The following FANCC variants were observed in gnomAD, a reference collection of about 807,000 sequenced individuals.
The protein encoded by FANCC is FA complementation group C.
A neutral mutation model predicts 71.3 loss-of-function variants in FANCC; 55 were observed. The observed-to-expected ratio is 0.77, with a 90% CI of 0.62 to 0.97. The LOEUF (loss-of-function observed/expected upper bound fraction) is 0.97. Ranked by LOEUF, FANCC falls within the 50% of genes least tolerant of loss-of-function variation. FANCC has a pLI of 0.00. For missense variants in FANCC, 678 were observed against 670.9 expected (o/e 1.01, Z -0.12); for synonymous variants, 275 against 244.9 (o/e 1.12, Z -1.15).
At chr9:95,112,639 A>G (rs2072040232) in intron 12 of FANCC, among the ~76,000 whole-genome samples, 3 of 152,306 alleles carry the variant, frequency 2.0e-5, no homozygotes, top group Middle Eastern at 3.4e-3. Flanking sequence ...TGCAGGCACC[A>G]TGTCAGGGTA....
At chr9:95,164,967 T>C (rs1392933396) in intron 6 of FANCC, among the ~76,000 whole-genome samples, 2 of 152,134 alleles carry the variant, frequency 1.3e-5, no homozygotes, top group African/African-American at 4.8e-5. Flanking sequence ...TCTTTACTAG[T>C]TGTAGGTCTG....
chr9:95,177,509 G>A (rs1051538519), intron 4 of FANCC, among the ~76,000 whole-genome samples: 1 of 152,130 alleles, frequency 6.6e-6, no homozygotes, highest in Non-Finnish European at 1.5e-5. Context: ...ACTATTCTTA[G>A]CTTACCGCAA....
chr9:95,165,577 C>A (rs1252664460), intron 6 of FANCC, among the ~76,000 whole-genome samples: 2 of 152,004 alleles, frequency 1.3e-5, no homozygotes, highest in African/African-American at 4.8e-5. Flanking sequence ...TTAATTTCCA[C>A]ATATTTGTGA....
chr9:95,252,490 T>C (rs1019392948), intron 1 of FANCC, among the ~76,000 whole-genome samples: 5 of 151,956 alleles, frequency 3.3e-5, no homozygotes, highest in Non-Finnish European at 7.4e-5. Context: ...CTCACGCCTG[T>C]AATCCCAGCA....
rs768209355 is a variant in FANCC, at chr9:95,135,375, T to C, written c.814A>G (p.Ile272Val). 4 of 1,614,136 alleles carry C rather than the reference T, an allele frequency of 2.5e-6. No individual in the cohort carries two copies. Among genetic ancestry groups the C allele is most frequent in the Non-Finnish European group, 3.4e-6 (4 of 1,180,016 alleles). ...GATGAATCTTTTATAAAGCATTCGA[T>C]CCTTCTCAGACAATTTCTCTCACTG... ...ISSERNCLRR[I>V]ECFIKDSSLP... Residue 272 changes from isoleucine (I) to valine (V), a missense_variant, in exon 8 of 15, where the codon ATC becomes GTC. Ile to Val is a conservative substitution (Grantham distance 29, BLOSUM62 3). Transcript: ENST00000289081.
intron 4 of FANCC, among the ~76,000 whole-genome samples, chr9:95,212,472 CAAAGAA>C (rs551287116): frequency 6.6e-6 from 1 of 151,822 alleles, no homozygotes; most frequent in Non-Finnish European, 1.5e-5. Context: ...TACCAAATAG[CAAAGAA>C]AAAAACCTGT....
intron 1 of FANCC, among the ~76,000 whole-genome samples, chr9:95,308,409 A>T (rs1448367530): frequency 3.3e-5 from 5 of 151,670 alleles, no homozygotes; most frequent in Non-Finnish European, 5.9e-5. Flanking sequence ...TCCACCTCCC[A>T]AGTAGCTGGG....
At chr9:95,130,137 C>T (rs1340540256) in intron 8 of FANCC, among the ~76,000 whole-genome samples, 1 of 152,162 alleles carries the variant, frequency 6.6e-6, no homozygotes, top group Non-Finnish European at 1.5e-5. Context: ...GGCTCTTGTG[C>T]CCGGTCCTTG....
At chr9:95,293,035 C>A (rs985585300) in intron 1 of FANCC, 1 of 1,594,426 alleles carries the variant, frequency 6.3e-7, no homozygotes, top group African/African-American at 1.3e-5. Flanking sequence ...GAAAACTGTG[C>A]AAAACCAGAA....
Position 95,172,017 on chromosome 9 carries a change from G to T in FANCC, c.456+20C>A. 3 of 1,430,132 alleles carry T rather than the reference G, an allele frequency of 2.1e-6. No individual in the cohort carries two copies. Among genetic ancestry groups the T allele is most frequent in the Non-Finnish European group, 3.0e-6 (3 of 1,013,110 alleles). 88.6% of individuals were successfully genotyped at this position (1,430,132 alleles called of 1,614,324 possible). On this transcript the variant is annotated intron_variant, in intron 5 of 14. Coordinates refer to ENST00000289081, the MANE Select transcript of FANCC (RefSeq NM_000136.3). ...ATTCAGCATTAAACATTTCAAAAGT[G>T]ATAAATTTTAAATACTCACATTTTT...
At chr9:95,140,229 T>C (rs756132995) in intron 7 of FANCC, among the ~76,000 whole-genome samples, 9 of 152,068 alleles carry the variant, frequency 5.9e-5, no homozygotes, top group Non-Finnish European at 1.0e-4. Context: ...CACCTAGAAA[T>C]CTGATTTACA....
intron 6 of FANCC, among the ~76,000 whole-genome samples, chr9:95,164,449 T>C (rs1172822739): frequency 6.6e-6 from 1 of 152,198 alleles, no homozygotes; most frequent in African/African-American, 2.4e-5. Flanking sequence ...ATATGGCCTT[T>C]ACTACTTTAC....
intron 7 of FANCC, among the ~76,000 whole-genome samples, chr9:95,146,877 A>G (rs1010270776): frequency 2.0e-5 from 3 of 152,072 alleles, no homozygotes; most frequent in Admixed American, 6.5e-5. Context: ...AAAAATTCTT[A>G]CATTTTTCTT....
intron 1 of FANCC, among the ~76,000 whole-genome samples, chr9:95,299,678 T>C (rs528675472): frequency 6.6e-6 from 1 of 152,136 alleles, no homozygotes; most frequent in African/African-American, 2.4e-5. Context: ...CTGGGCAATA[T>C]AGTGAGACCT....
intron 2 of FANCC, among the ~76,000 whole-genome samples, chr9:95,248,274 A>G (rs1831117511): frequency 1.3e-5 from 2 of 152,226 alleles, no homozygotes; most frequent in Non-Finnish European, 2.9e-5. Flanking sequence ...CTGCTACTGC[A>G]GCAAAACATC....
intron 4 of FANCC, among the ~76,000 whole-genome samples, chr9:95,195,144 G>A (rs1373403865): frequency 7.9e-6 from 1 of 126,202 alleles, no homozygotes; most frequent in African/African-American, 3.1e-5. Flanking sequence ...GTTGCAGTGA[G>A]CCAAGATGGC....
intron 1 of FANCC, among the ~76,000 whole-genome samples, chr9:95,308,079 T>C (rs1209887499): frequency 6.6e-6 from 1 of 152,216 alleles, no homozygotes; most frequent in Non-Finnish European, 1.5e-5. Context: ...TAAAATAACA[T>C]GTAGTCATTT....
chr9:95,205,382 T>A (rs55892408), intron 4 of FANCC, among the ~76,000 whole-genome samples: 1 of 152,172 alleles, frequency 6.6e-6, no homozygotes, highest in Non-Finnish European at 1.5e-5. Flanking sequence ...TTTTATATTT[T>A]AAAAAACTTG....
intron 4 of FANCC, among the ~76,000 whole-genome samples, chr9:95,189,091 C>A (rs976060636): frequency 7.2e-5 from 11 of 152,062 alleles, no homozygotes. Flanking sequence ...AAAAATGGAA[C>A]AAATTTATTC....
Sources: gnomAD v4.1 joint callset for allele counts (sites outside exome capture counted in the v4.1 genomes callset) on GRCh38, gnomAD v4.1.1 for gene constraint, MANE v1.5 for transcripts, NCBI Gene and HGNC (gene_info 2026-07-23, HGNC 2026-07-21) for gene names.